The following NSL1 variants were observed in gnomAD, a reference collection of about 807,000 sequenced individuals.
The protein encoded by NSL1 is kinetochore-associated protein NSL1 homolog.
A neutral mutation model predicts 25.4 loss-of-function variants in NSL1; 11 were observed. That is an observed-to-expected ratio of 0.43 (90% CI 0.27 to 0.72). The LOEUF is 0.72. Ranked by LOEUF, NSL1 falls within the 30% of genes least tolerant of loss-of-function variation. The pLI, the probability that NSL1 is intolerant of heterozygous loss-of-function variation, is 0.19. For missense variants in NSL1, 330 were observed against 342.7 expected, an observed-to-expected ratio of 0.96 and a Z score of 0.29; for synonymous variants, 118 against 120.6, an observed-to-expected ratio of 0.98 and a Z score of 0.14.
At chr1:212,744,520 G>A (rs1202082008) in intron 4 of NSL1, among the ~76,000 whole-genome samples, 7 of 152,144 alleles carry the variant, frequency 4.6e-5, no homozygotes, top group Admixed American at 4.6e-4. Context: ...GGAAAAAAAG[G>A]AAATTAACAA....
At chr1:212,767,168 T>A (rs7513734) in intron 4 of NSL1, among the ~76,000 whole-genome samples, 99,493 of 152,000 alleles carry the variant, frequency 0.65, 32,961 homozygotes, top group Non-Finnish European at 0.69. Context: ...ATCTGGAGGC[T>A]TTACATTATC....
At chr1:212,788,151 C>T (rs564035342) in intron 1 of NSL1, among the ~76,000 whole-genome samples, 5 of 152,312 alleles carry the variant, frequency 3.3e-5, no homozygotes, top group South Asian at 2.1e-4. Context: ...CAGTGGCTCA[C>T]GCCTATAATC....
Position 212,782,394 on chromosome 1 carries a change from G to C in NSL1, c.477C>G (p.Asp159Glu). 4.3e-6 allele frequency: 7 copies of C among 1,611,340 alleles called. No individual in the cohort carries two copies. The highest frequency in any genetic ancestry group is 4.2e-6 in the Non-Finnish European group (5 of 1,177,508). Residue 159 changes from aspartate to glutamate, a missense_variant, in exon 4 of 6, where the codon GAC becomes GAG. Asp to Glu is a conservative substitution (Grantham distance 45). Transcript: ENST00000366977. ...CACCTGGATCAGGGTCATATTTTAGGTCCAGTGGATGTACAACAGGGTGGT... is the reference window on the plus strand; with the variant it reads ...CACCTGGATCAGGGTCATATTTTAGCTCCAGTGGATGTACAACAGGGTGGT... ...KQYHPVVHPLDLKYDPDPAPH... is the reference protein window; with the variant it reads ...KQYHPVVHPLELKYDPDPAPH...
At chr1:212,774,788 A>G (rs1660279574) in intron 4 of NSL1, among the ~76,000 whole-genome samples, 1 of 152,202 alleles carries the variant, frequency 6.6e-6, no homozygotes, top group Admixed American at 6.5e-5. Context: ...AAAGCTACAT[A>G]AAGAGTTGCC....
intron 4 of NSL1, among the ~76,000 whole-genome samples, chr1:212,746,308 T>C (rs972673601): frequency 2.0e-5 from 3 of 152,164 alleles, no homozygotes; most frequent in African/African-American, 7.2e-5. Flanking sequence ...AGAAGTTCTA[T>C]ACAGTATTAA....
Position 212,729,196 on chromosome 1 carries a change from CAT to C in NSL1, c.*9210_*9211del. The C allele has an allele frequency of 1.0e-6, 1 of 985,416 alleles. No individual in the cohort carries two copies. Among genetic ancestry groups the C allele is most frequent in the Non-Finnish European group, 1.2e-6 (1 of 829,928 alleles). The allele number at this position is 985,416 out of a possible 1,614,324, so 61.0% of individuals were successfully genotyped here. A position where few individuals can be genotyped will look rare whatever the true frequency, so the allele number is the denominator to read the frequency against. ...GTAATTCCACAGAAGTTTCCAAACC[CAT>C]GAGTTTCACTCTCAGGTTCCCTCTA... On this transcript the variant is annotated 3_prime_UTR_variant, in exon 6 of 6. Coordinates refer to ENST00000366977, the MANE Select transcript of NSL1 (RefSeq NM_015471.4).
At position 212,730,482 on chromosome 1, in the gene NSL1, G is replaced by A. The variant is rs2102418853; in HGVS notation, c.*7926C>T. On this transcript the variant is annotated 3_prime_UTR_variant, in exon 6 of 6. Transcript: ENST00000366977. ...CAAAGGCACTGGAGCCATTCTCTGA[G>A]TAAGGCTAGTCAAGGTGATGATAGA... The A allele has an allele frequency of 9.1e-6, 9 of 985,392 alleles. No homozygotes were observed. In the South Asian group the frequency reaches 1.4e-4, roughly 15 times the overall value. The allele number at this position is 985,392 out of a possible 1,614,324, so 61.0% of individuals were successfully genotyped here.
intron 4 of NSL1, among the ~76,000 whole-genome samples, chr1:212,745,719 T>C (rs1299945809): frequency 6.6e-6 from 1 of 152,160 alleles, no homozygotes; most frequent in Non-Finnish European, 1.5e-5. Context: ...TCCCAGCACT[T>C]TGGGAGGCTG....
chr1:212,757,387 A>T (rs866531998), intron 4 of NSL1, among the ~76,000 whole-genome samples: 29 of 152,308 alleles, frequency 1.9e-4, no homozygotes, highest in African/African-American at 6.3e-4. Flanking sequence ...TGAAAAGTAG[A>T]ACTGGATGGA....
intron 4 of NSL1, among the ~76,000 whole-genome samples, chr1:212,750,776 C>T (rs968450474): frequency 1.3e-5 from 2 of 151,838 alleles, no homozygotes; most frequent in Admixed American, 1.3e-4. Context: ...CCTGTCTCTA[C>T]TAAAAATACA....
intron 4 of NSL1, among the ~76,000 whole-genome samples, chr1:212,771,313 T>A: frequency 6.6e-6 from 1 of 151,510 alleles, no homozygotes; most frequent in African/African-American, 2.4e-5. Context: ...AAACTCCATC[T>A]CAAAAAACAA....
intron 4 of NSL1, among the ~76,000 whole-genome samples, chr1:212,761,892 T>C (rs570908125): frequency 6.6e-6 from 1 of 151,930 alleles, no homozygotes; most frequent in Non-Finnish European, 1.5e-5. Context: ...GTCCAATCTT[T>C]TGGCTTCCCT....
chr1:212,759,813 C>T (rs189485885), intron 4 of NSL1, among the ~76,000 whole-genome samples: 1 of 152,278 alleles, frequency 6.6e-6, no homozygotes, highest in East Asian at 1.9e-4. Flanking sequence ...CAGTGTCCTA[C>T]ACCCCAAGGA....
intron 4 of NSL1, among the ~76,000 whole-genome samples, chr1:212,752,994 G>A (rs1392153739): frequency 6.6e-6 from 1 of 151,976 alleles, no homozygotes; most frequent in Admixed American, 6.6e-5. Flanking sequence ...GGCTTCTACT[G>A]GTTTCTAAAG....
chr1:212,729,824 T>A lies in NSL1; in HGVS notation c.*8584A>T. ...ACATGGAAAAAGCAATGTAATCAGC[T>A]GGTGCTGCAAAGGGCAGTGATGTGT... On this transcript the variant is annotated 3_prime_UTR_variant, in exon 6 of 6. Transcript: ENST00000366977. 1.0e-6 allele frequency: 1 copy of A among 985,320 alleles called. No individual in the cohort carries two copies. Among genetic ancestry groups the A allele is most frequent in the Non-Finnish European group, 1.2e-6 (1 of 829,914 alleles). 61.0% of individuals were successfully genotyped at this position (985,320 alleles called of 1,614,324 possible).
At position 212,727,197 on chromosome 1, in the gene NSL1, G is replaced by A. The variant is rs762938084; in HGVS notation, c.*11211C>T. 1 of 1,533,050 alleles carries A rather than the reference G, an allele frequency of 6.5e-7. No individual in the cohort carries two copies. Among genetic ancestry groups the A allele is most frequent in the Non-Finnish European group, 8.8e-7 (1 of 1,139,238 alleles). 95.0% of individuals were successfully genotyped at this position (1,533,050 alleles called of 1,614,324 possible). A position where few individuals can be genotyped will look rare whatever the true frequency, so the allele number is the denominator to read the frequency against. On this transcript the variant is annotated 3_prime_UTR_variant, in exon 6 of 6. Coordinates refer to ENST00000366977, the MANE Select transcript of NSL1 (RefSeq NM_015471.4). ...CTTGGCTCCTAATGTGTTAAATGGG[G>A]GTGAATGGAATTTAGAAGATCTCTT...
chr1:212,738,648 G>C lies in NSL1; in HGVS notation c.606C>G (p.Ser202=), dbSNP rs1194625268. The change falls in exon 6 of 6, where the codon TCC becomes TCG. Residue 202 remains serine (S), a synonymous_variant. Coordinates refer to ENST00000366977, the MANE Select transcript of NSL1 (RefSeq NM_015471.4). ...PALIEQGEGF[S]QVLRMQPVIH... The stretch of plus-strand genomic sequence containing the variant: ...TAACAGGCTGCATCCTGAGAACTTG[G>C]GAAAATCCCTCTCCTTGTTCAATTA... The C allele has an allele frequency of 1.9e-6, 3 of 1,613,848 alleles. No individual in the cohort carries two copies. The highest frequency in any genetic ancestry group is 1.7e-6 in the Non-Finnish European group (2 of 1,179,978).
intron 4 of NSL1, among the ~76,000 whole-genome samples, chr1:212,763,657 T>C (rs1659672649): frequency 1.3e-5 from 2 of 152,136 alleles, no homozygotes; most frequent in African/African-American, 2.4e-5. Context: ...AAACAGACTT[T>C]AAAGCAACAA....
chr1:212,752,128 G>T (rs925842059), intron 4 of NSL1, among the ~76,000 whole-genome samples: 12 of 152,168 alleles, frequency 7.9e-5, no homozygotes, highest in Non-Finnish European at 1.6e-4. Flanking sequence ...GTCATATAGT[G>T]GAACTAATAT....
Sources: gnomAD v4.1 joint callset for allele counts (sites outside exome capture counted in the v4.1 genomes callset) on GRCh38, gnomAD v4.1.1 for gene constraint, MANE v1.5 for transcripts, NCBI Gene and HGNC (gene_info 2026-07-23, HGNC 2026-07-21) for gene names.